The following FANCC variants were observed in gnomAD, a reference collection of about 807,000 sequenced individuals.
FANCC encodes the protein Fanconi anemia group C protein.
FANCC carries 55 observed loss-of-function variants against 71.3 expected under a neutral mutation model. That is an observed-to-expected ratio of 0.77 (90% CI 0.62 to 0.97). FANCC has a LOEUF of 0.97. Among genes scored for constraint, FANCC ranks in the 50% least tolerant of loss-of-function variants. The pLI is 0.00. For missense variants in FANCC, 678 were observed against 670.9 expected (o/e 1.01, Z -0.12); for synonymous variants, 275 against 244.9 (o/e 1.12, Z -1.15).
At chr9:95,248,350 C>T (rs970259812) in intron 2 of FANCC, among the ~76,000 whole-genome samples, 5 of 152,078 alleles carry the variant, frequency 3.3e-5, no homozygotes, top group African/African-American at 7.2e-5. Context: ...GGTCAAGTTA[C>T]GTATGTCTCA....
intron 1 of FANCC, among the ~76,000 whole-genome samples, chr9:95,309,877 C>T (rs1172594263): frequency 6.6e-6 from 1 of 152,088 alleles, no homozygotes; most frequent in Non-Finnish European, 1.5e-5. Context: ...ATCACCATTG[C>T]AAAAAGAAGA....
chr9:95,301,129 T>C (rs1002878402), intron 1 of FANCC, among the ~76,000 whole-genome samples: 20 of 150,202 alleles, frequency 1.3e-4, no homozygotes, highest in Non-Finnish European at 2.2e-4. Context: ...ACCTAAAGGC[T>C]AAAATGATGA....
chr9:95,138,362 C>T (rs1828044908), intron 7 of FANCC, among the ~76,000 whole-genome samples: 1 of 152,172 alleles, frequency 6.6e-6, no homozygotes, highest in South Asian at 2.1e-4. Flanking sequence ...AAAGGCTTTT[C>T]CATCCAGGTG....
At chr9:95,273,248 T>C (rs1257059169) in intron 1 of FANCC, among the ~76,000 whole-genome samples, 1 of 152,168 alleles carries the variant, frequency 6.6e-6, no homozygotes, top group Admixed American at 6.5e-5. Flanking sequence ...CCCCAACATG[T>C]AGTTATTTTG....
intron 6 of FANCC, among the ~76,000 whole-genome samples, chr9:95,167,995 A>G (rs532585515): frequency 6.6e-6 from 1 of 152,344 alleles, no homozygotes; most frequent in African/African-American, 2.4e-5. Flanking sequence ...ACCCGGCTAG[A>G]CATTCTGGAG....
intron 1 of FANCC, among the ~76,000 whole-genome samples, chr9:95,272,048 T>C (rs1832767988): frequency 6.7e-6 from 1 of 148,844 alleles, no homozygotes; most frequent in Non-Finnish European, 1.5e-5. Flanking sequence ...GCCATTCTCC[T>C]GCTTCAGCTT....
chr9:95,120,655 T>G (rs1249111363), intron 10 of FANCC, among the ~76,000 whole-genome samples: 1 of 152,138 alleles, frequency 6.6e-6, no homozygotes, highest in Admixed American at 6.5e-5. Flanking sequence ...ACTCAACTCC[T>G]GGACTCAAGC....
Position 95,110,692 on chromosome 9 carries a change from G to A in FANCC, c.1329+771C>T, listed in dbSNP as rs1358910470. ...AAAATGCCAAAGCCAAGAGAAGCAG[G>A]GCTCTATACAAAATGAGCCTTGTCC... On this transcript the variant is annotated intron_variant, in intron 13 of 14. Coordinates refer to ENST00000289081, the MANE Select transcript of FANCC (RefSeq NM_000136.3). The A allele has an allele frequency of 2.8e-6, 3 of 1,055,340 alleles. No individual in the cohort carries two copies. The African/African-American group carries it at 5.0e-5, about 17-fold the overall frequency. 65.4% of individuals were successfully genotyped at this position (1,055,340 alleles called of 1,614,324 possible).
rs945190235 is a variant in FANCC at position 95,293,419 on chromosome 9, G to GCT, written c.-79+24105_-79+24106dup. 6.3e-6 allele frequency: 10 copies of GCT among 1,576,880 alleles called. No homozygotes were observed. In the African/African-American group the frequency reaches 1.4e-4, roughly 21 times the overall value. On this transcript the variant is annotated intron_variant, in intron 1 of 14. Transcript: ENST00000289081. ...ATCCTCGGCCTAGATTCAGAGGCTT[G>GCT]CTCTCTTAAAGAGAGCCTACTTCTT...
intron 8 of FANCC, among the ~76,000 whole-genome samples, chr9:95,131,417 C>A (rs772054420): frequency 4.5e-4 from 69 of 152,176 alleles, no homozygotes; most frequent in Non-Finnish European, 8.4e-4. Flanking sequence ...GGGTTTTTCC[C>A]TCTCTCCCTT....
At chr9:95,206,280 C>G (rs1309469805) in intron 4 of FANCC, among the ~76,000 whole-genome samples, 1 of 152,174 alleles carries the variant, frequency 6.6e-6, no homozygotes, top group African/African-American at 2.4e-5. Flanking sequence ...TGTGCTCTTG[C>G]AACGGGACTG....
chr9:95,199,678 G>GA (rs1052598983), intron 4 of FANCC, among the ~76,000 whole-genome samples: 2 of 152,120 alleles, frequency 1.3e-5, no homozygotes, highest in Non-Finnish European at 2.9e-5. Flanking sequence ...GGGGAACAGA[G>GA]AAAAAACTAC....
At chr9:95,184,047 A>C (rs1379511581) in intron 4 of FANCC, among the ~76,000 whole-genome samples, 4 of 152,056 alleles carry the variant, frequency 2.6e-5, no homozygotes, top group Admixed American at 6.6e-5. Flanking sequence ...CATGTCGAAT[A>C]CCTGGAGGGC....
Position 95,311,744 on chromosome 9 carries a change from T to A in FANCC, c.-79+5782A>T, listed in dbSNP as rs1009701930. On this transcript the variant is annotated intron_variant, in intron 1 of 14. Coordinates refer to ENST00000289081, the MANE Select transcript of FANCC (RefSeq NM_000136.3). Reference sequence around the variant, plus strand: ...GTGTGTGTGTGTGTGTGTGTGTGTGTGAAAAACCGCAGCCTCAAACTGTCT... The same window carrying A: ...GTGTGTGTGTGTGTGTGTGTGTGTGAGAAAAACCGCAGCCTCAAACTGTCT... 6.0e-5 allele frequency among the ~76,000 whole-genome samples: 9 copies of A among 150,992 alleles called. No individual in the cohort carries two copies. The East Asian group carries it at 7.8e-4, about 13-fold the overall frequency.
rs540906070 is a variant in FANCC at position 95,163,587 on chromosome 9, C to A, written c.521+7492G>T. Among the ~76,000 whole-genome samples the A allele has an allele frequency of 7.2e-5, 11 of 152,320 alleles. No homozygotes were observed. In the East Asian group the frequency reaches 2.1e-3, roughly 29 times the overall value. On this transcript the variant is annotated intron_variant, in intron 6 of 14. Coordinates refer to ENST00000289081, the MANE Select transcript of FANCC (RefSeq NM_000136.3). Reference sequence around the variant, plus strand: ...AGCATAGGCTGGGTGCAGTGGCTTACACCTGTAATCCCAGAACTTTGGGAG... The same window carrying A: ...AGCATAGGCTGGGTGCAGTGGCTTAAACCTGTAATCCCAGAACTTTGGGAG...
intron 1 of FANCC, among the ~76,000 whole-genome samples, chr9:95,288,660 C>T (rs1833830107): frequency 6.6e-6 from 1 of 152,182 alleles, no homozygotes; most frequent in Non-Finnish European, 1.5e-5. Flanking sequence ...GGGAAATTTC[C>T]TATGCTCTTC....
chr9:95,263,365 C>CA (rs1193975917), intron 1 of FANCC, among the ~76,000 whole-genome samples: 1 of 152,028 alleles, frequency 6.6e-6, no homozygotes, highest in Admixed American at 6.5e-5. Flanking sequence ...CCGCCAGTGC[C>CA]AGGGGTGAAT....
At chr9:95,297,356 A>G (rs918709206) in intron 1 of FANCC, among the ~76,000 whole-genome samples, 3 of 152,134 alleles carry the variant, frequency 2.0e-5, no homozygotes, top group African/African-American at 7.2e-5. Context: ...TGATCTCACC[A>G]TTTTTTATCC....
At chr9:95,229,997 A>C (rs1829898100) in intron 4 of FANCC, among the ~76,000 whole-genome samples, 1 of 152,242 alleles carries the variant, frequency 6.6e-6, no homozygotes, top group Non-Finnish European at 1.5e-5. Context: ...AAAACAAAAA[A>C]GAACATGAAC....
Sources: allele counts gnomAD v4.1 joint callset (sites outside exome capture counted in the v4.1 genomes callset), GRCh38; gene constraint gnomAD v4.1.1; transcripts MANE v1.5; gene names NCBI Gene and HGNC (gene_info 2026-07-23, HGNC 2026-07-21).